The following SHOC2 variants were observed in gnomAD, a reference collection of about 807,000 sequenced individuals.
SHOC2 encodes the protein leucine-rich repeat protein SHOC-2.
In SHOC2, 4 loss-of-function variants were observed where a neutral mutation model predicts 50.2. That is an observed-to-expected ratio of 0.08 (90% CI 0.04 to 0.18). The LOEUF is 0.18. SHOC2 is among the 10% of genes least tolerant of loss of function. SHOC2 has a pLI of 1.00. For synonymous variants in SHOC2, 218 were observed against 244.5 expected (o/e 0.89, Z 1.01); for missense variants, 388 against 669.6 (o/e 0.58, Z 4.64).
intron 1 of SHOC2, among the ~76,000 whole-genome samples, chr10:110,924,908 A>G (rs546528995): frequency 6.6e-5 from 10 of 151,888 alleles, no homozygotes; most frequent in Non-Finnish European, 1.3e-4. Context: ...CGTCTCTACT[A>G]AAAATACAAA....
At chr10:110,978,306 G>A (rs532594747) in intron 2 of SHOC2, among the ~76,000 whole-genome samples, 2 of 152,270 alleles carry the variant, frequency 1.3e-5, no homozygotes, top group East Asian at 3.9e-4. Flanking sequence ...TTCTTGATTG[G>A]CTAGTATAAA....
At chr10:110,957,510 T>C (rs1186208780) in intron 1 of SHOC2, among the ~76,000 whole-genome samples, 1 of 151,560 alleles carries the variant, frequency 6.6e-6, no homozygotes. Context: ...AGGAAGAACA[T>C]CAGATTCTTA....
intron 1 of SHOC2, among the ~76,000 whole-genome samples, chr10:110,933,216 G>A (rs150659207): frequency 6.3e-4 from 96 of 152,112 alleles, no homozygotes; most frequent in African/African-American, 2.3e-3. Flanking sequence ...AATGAGAGTA[G>A]CTTTTTTTCT....
intron 4 of SHOC2, 86 bp downstream of exon 4, chr10:111,000,631 A>G: frequency 8.2e-7 from 1 of 1,217,416 alleles, no homozygotes; most frequent in Non-Finnish European, 1.2e-6. Context: ...TAGCAGGGTA[A>G]ATAATTTGGT....
At chr10:110,941,158 T>G (rs985810678) in intron 1 of SHOC2, among the ~76,000 whole-genome samples, 4 of 152,114 alleles carry the variant, frequency 2.6e-5, no homozygotes, top group African/African-American at 9.6e-5. Context: ...TTTTTTTTTC[T>G]AAGTTGTGAT....
chr10:110,931,598 A>G (rs1716757728), intron 1 of SHOC2, among the ~76,000 whole-genome samples: 1 of 152,146 alleles, frequency 6.6e-6, no homozygotes, highest in Non-Finnish European at 1.5e-5. Flanking sequence ...AATTTGAGTG[A>G]CCTGGAGTTA....
Position 110,960,783 on chromosome 10 carries a change from C to G in SHOC2, c.-234-3342C>G, listed in dbSNP as rs565550619. 3.1e-3 allele frequency among the ~76,000 whole-genome samples: 474 copies of G among 152,294 alleles called. 3 individuals carry two copies. Among genetic ancestry groups the G allele is most frequent in the Non-Finnish European group, 4.2e-3 (286 of 68,028 alleles). ...CACTGCCTCTTGGGTTCAAGTGACT[C>G]TCCTGCTTCAGCCTCCCGACTAGCT... On this transcript the variant is annotated intron_variant, in intron 1 of 8. Transcript: ENST00000369452.
At chr10:110,930,233 G>GA (rs1846864321) in intron 1 of SHOC2, among the ~76,000 whole-genome samples, 1 of 152,168 alleles carries the variant, frequency 6.6e-6, no homozygotes. Flanking sequence ...ATAAATGTAA[G>GA]AAACGCCAGT....
chr10:110,994,392 T>C (rs1224054774), intron 3 of SHOC2, among the ~76,000 whole-genome samples: 1 of 152,212 alleles, frequency 6.6e-6, no homozygotes, highest in Non-Finnish European at 1.5e-5. Context: ...TTGTTATTTA[T>C]TAAAATTTTA....
chr10:110,986,869 G>A (rs1328240983), intron 3 of SHOC2, among the ~76,000 whole-genome samples: 1 of 152,164 alleles, frequency 6.6e-6, no homozygotes, highest in Non-Finnish European at 1.5e-5. Context: ...TGCCTCTGTT[G>A]GGTACCTAGT....
intron 1 of SHOC2, among the ~76,000 whole-genome samples, chr10:110,937,466 A>G (rs547740281): frequency 6.6e-6 from 1 of 152,272 alleles, no homozygotes; most frequent in East Asian, 1.9e-4. Flanking sequence ...CTTTGCCTTC[A>G]CTGTATTTAG....
intron 1 of SHOC2, among the ~76,000 whole-genome samples, chr10:110,960,451 G>T (rs1209093170): frequency 1.3e-5 from 2 of 152,304 alleles, no homozygotes; most frequent in South Asian, 2.1e-4. Context: ...GATGGGAAAA[G>T]AATATATCTG....
intron 6 of SHOC2, among the ~76,000 whole-genome samples, chr10:111,008,338 G>A (rs1250583171): frequency 6.6e-6 from 1 of 150,878 alleles, no homozygotes; most frequent in Non-Finnish European, 1.5e-5. Context: ...TCATATCCAT[G>A]TTTTTTAAAG....
At chr10:110,950,823 G>A (rs1280163653) in intron 1 of SHOC2, among the ~76,000 whole-genome samples, 1 of 152,086 alleles carries the variant, frequency 6.6e-6, no homozygotes, top group Non-Finnish European at 1.5e-5. Context: ...AGAAGCATGA[G>A]CATAAAAATT....
chr10:110,975,162 T>C (rs988963149), intron 2 of SHOC2, among the ~76,000 whole-genome samples: 1 of 151,796 alleles, frequency 6.6e-6, no homozygotes, highest in Non-Finnish European at 1.5e-5. Flanking sequence ...ATGTTACTTT[T>C]TTTTTTTTTT....
intron 1 of SHOC2, among the ~76,000 whole-genome samples, chr10:110,957,132 T>C (rs1482782038): frequency 6.6e-6 from 1 of 152,226 alleles, no homozygotes; most frequent in Non-Finnish European, 1.5e-5. Flanking sequence ...TATTCATAAA[T>C]GGGTACCTTT....
At chr10:110,977,836 T>G (rs571684097) in intron 2 of SHOC2, among the ~76,000 whole-genome samples, 17 of 152,356 alleles carry the variant, frequency 1.1e-4, no homozygotes, top group African/African-American at 3.8e-4. Flanking sequence ...GAATTCACAC[T>G]ATTCACAACC....
At position 111,009,790 on chromosome 10, in the gene SHOC2, C is replaced by T. The variant is rs1848535240; in HGVS notation, c.1500C>T (p.Gly500=). 1 of 1,612,164 alleles carries T rather than the reference C, an allele frequency of 6.2e-7. No homozygotes were observed. Among genetic ancestry groups the T allele is most frequent in the Non-Finnish European group, 8.5e-7 (1 of 1,178,478 alleles). The change falls in exon 8 of 9, where the codon GGC becomes GGT. Residue 500 remains glycine, a synonymous_variant. Transcript: ENST00000369452. ...IGHLTNLTHL[G]LGENLLTHLP... is the part of the protein sequence containing the mutation. ...ACCTTACTAATCTCACACATCTGGG[C>T]CTTGGAGAGAACCTACTTACTCACC...
chr10:110,958,656 C>G (rs778975967), intron 1 of SHOC2, among the ~76,000 whole-genome samples: 7 of 152,088 alleles, frequency 4.6e-5, no homozygotes, highest in African/African-American at 9.7e-5. Context: ...CTCCTTTATT[C>G]TAAAATCACA....
Sources: allele counts gnomAD v4.1 joint callset (sites outside exome capture counted in the v4.1 genomes callset), GRCh38; gene constraint gnomAD v4.1.1; transcripts MANE v1.5; gene names NCBI Gene and HGNC (gene_info 2026-07-23, HGNC 2026-07-21).